ZNF66: variants seen among roughly 807,000 people sequenced by gnomAD.
The protein encoded by ZNF66 is putative zinc finger protein 66.
Under a neutral mutation model 35.2 loss-of-function variants are expected in ZNF66, and 32 were observed. The ratio of observed to expected loss-of-function variants is 0.91; its 90% CI spans 0.69 to 1.22. ZNF66 has a LOEUF of 1.22. ZNF66 is among the 50% of genes most tolerant of loss of function. ZNF66 has a pLI of 0.00. For synonymous variants in ZNF66, 231 were observed against 181.3 expected, an observed-to-expected ratio of 1.27 and a Z score of -2.20; for missense variants, 666 against 543.1, an observed-to-expected ratio of 1.23 and a Z score of -2.25.
chr19:20,782,004 T>C (rs1462881250), intron 1 of ZNF66, among the ~76,000 whole-genome samples: 2 of 152,192 alleles, frequency 1.3e-5, no homozygotes, highest in Non-Finnish European at 2.9e-5. Flanking sequence ...TGGCGTGATA[T>C]TGGCTTACTT....
Position 20,793,808 on chromosome 19 carries a change from C to T in ZNF66, c.156C>T (p.Leu52=). 1 of 1,085,150 alleles carries T rather than the reference C, an allele frequency of 9.2e-7. No individual in the cohort carries two copies. The highest frequency in any genetic ancestry group is 1.3e-6 in the Non-Finnish European group (1 of 762,028). 67.2% of individuals were successfully genotyped at this position (1,085,150 alleles called of 1,614,324 possible). A position where few individuals can be genotyped will look rare whatever the true frequency, so the allele number is the denominator to read the frequency against. The change falls in exon 3 of 4, where the codon CTC becomes CTT. Residue 52 remains leucine (L), a synonymous_variant. Transcript: ENST00000344519. The part of the protein sequence containing the change: ...FLGIVVSKPD[L]ITHLEQGKKP... ...GTATTGTTGTCTCAAAGCCAGACCT[C>T]ATCACCCATCTGGAGCAAGGAAAAA...
At chr19:20,780,348 C>T (rs1180937631) in intron 1 of ZNF66, among the ~76,000 whole-genome samples, 1 of 152,072 alleles carries the variant, frequency 6.6e-6, no homozygotes, top group Non-Finnish European at 1.5e-5. Flanking sequence ...TTTCTTTGTT[C>T]TATGCATTTC....
In ZNF66 at chr19:20,809,875, C is replaced by T. The variant is rs1185334908; in HGVS notation, c.*2553C>T. Reference sequence around the variant, plus strand: ...TGGGCTAAATGCTCCAATTAAAAGACACAGACAGGCAAATTGGATAAATAG... The same window carrying T: ...TGGGCTAAATGCTCCAATTAAAAGATACAGACAGGCAAATTGGATAAATAG... On this transcript the variant is annotated 3_prime_UTR_variant, in exon 4 of 4. Coordinates refer to ENST00000344519, the MANE Select transcript of ZNF66 (RefSeq NM_001355197.2). Among the ~76,000 whole-genome samples, 3 of 152,100 alleles carry T rather than the reference C, an allele frequency of 2.0e-5. No homozygotes were observed. Among genetic ancestry groups the T allele is most frequent in the Non-Finnish European group, 4.4e-5 (3 of 68,038 alleles).
chr19:20,806,717 G>C lies in ZNF66; in HGVS notation c.1117G>C (p.Glu373Gln). ...HTGEKPYKCE[E>Q]CGEAFKYSCS... ...TGGAGAGAAACCCTACAAATGTGAA[G>C]AATGTGGTGAAGCCTTTAAGTACTC... Residue 373 changes from glutamate to glutamine, a missense_variant, in exon 4 of 4, where the codon GAA becomes CAA. Physicochemically the swap from Glu to Gln is conservative, Grantham distance 29. Coordinates refer to ENST00000344519, the MANE Select transcript of ZNF66 (RefSeq NM_001355197.2). 7.0e-7 allele frequency: 1 copy of C among 1,432,318 alleles called. No individual in the cohort carries two copies. The highest frequency in any genetic ancestry group is 2.3e-5 in the East Asian group (1 of 43,960). The allele number at this position is 1,432,318 out of a possible 1,614,324, so 88.7% of individuals were successfully genotyped here. A position where few individuals can be genotyped will look rare whatever the true frequency, so the allele number is the denominator to read the frequency against.
At chr19:20,785,175 G>A (rs1971276370) in intron 1 of ZNF66, 1 of 152,234 alleles carries the variant, frequency 6.6e-6, no homozygotes, top group Non-Finnish European at 1.5e-5. Context: ...TGACATTAGA[G>A]TGTTGCTGTG....
At chr19:20,805,248 G>T (rs1281540976) in intron 3 of ZNF66, among the ~76,000 whole-genome samples, 2 of 152,086 alleles carry the variant, frequency 1.3e-5, no homozygotes, top group Non-Finnish European at 2.9e-5. Flanking sequence ...AGGCTGGAGT[G>T]CAGTGGTATG....
intron 1 of ZNF66, among the ~76,000 whole-genome samples, chr19:20,789,032 T>C (rs1274727286): frequency 6.6e-6 from 1 of 151,488 alleles, no homozygotes; most frequent in Admixed American, 6.6e-5. Flanking sequence ...GCCTGTGCAA[T>C]AGAGTGAGAC....
At chr19:20,777,997 T>C (rs984460977) in intron 1 of ZNF66, among the ~76,000 whole-genome samples, 27 of 152,352 alleles carry the variant, frequency 1.8e-4, no homozygotes, top group African/African-American at 6.5e-4. Flanking sequence ...TTTTTCTATA[T>C]CCTTTTATTT....
intron 2 of ZNF66, among the ~76,000 whole-genome samples, chr19:20,793,322 C>CTTTTTTTTTTTTTTTT (rs370522800): frequency 3.2e-5 from 2 of 63,406 alleles, no homozygotes; most frequent in Admixed American, 1.6e-4. Context: ...CTTTTCTTTT[C>CTTTTTTTTTTTTTTTT]TTTTCTTTTC....
At chr19:20,789,961 G>A (rs928322373) in intron 1 of ZNF66, among the ~76,000 whole-genome samples, 5 of 152,086 alleles carry the variant, frequency 3.3e-5, no homozygotes, top group African/African-American at 1.2e-4. Context: ...GAAGTATTTG[G>A]TTGTGACAAG....
chr19:20,808,202 G>C lies in ZNF66; in HGVS notation c.*880G>C, dbSNP rs1006910432. On this transcript the variant is annotated 3_prime_UTR_variant, in exon 4 of 4. Coordinates refer to ENST00000344519, the MANE Select transcript of ZNF66 (RefSeq NM_001355197.2). ...CAGGCTTGCTTAGGTAAAGCAGCTG[G>C]GAAGCTAGAACTGGGTGGAGCCCAC... Among the ~76,000 whole-genome samples, 8 of 152,220 alleles carry C rather than the reference G, an allele frequency of 5.3e-5. No individual in the cohort carries two copies. Among genetic ancestry groups the C allele is most frequent in the African/African-American group, 1.9e-4 (8 of 41,456 alleles).
rs1490942108 is a variant in ZNF66, at chr19:20,806,550, A to T, written c.950A>T (p.Glu317Val). 1.9e-6 allele frequency: 3 copies of T among 1,550,918 alleles called. No homozygotes were observed. In the Admixed American group the frequency reaches 5.0e-5, roughly 26 times the overall value. Residue 317 changes from glutamate (E) to valine (V), a missense_variant, in exon 4 of 4, where the codon GAA (glutamate) becomes GTA (valine). Transcript: ENST00000344519. The stretch of plus-strand genomic sequence containing the variant: ...GGAGAGAAACCCTACAAATGTGAAG[A>T]ATGTGGTAAAGCCTTCAACTGGTCC... ...HTGEKPYKCE[E>V]CGKAFNWSSH... is the part of the protein sequence containing the mutation.
rs1026464713 is a variant in ZNF66, at chr19:20,809,152, CAA to C, written c.*1832_*1833del. Among the ~76,000 whole-genome samples, 4 of 151,898 alleles carry C rather than the reference CAA, an allele frequency of 2.6e-5. No individual in the cohort carries two copies. Among genetic ancestry groups the C allele is most frequent in the Non-Finnish European group, 4.4e-5 (3 of 67,952 alleles). On this transcript the variant is annotated 3_prime_UTR_variant, in exon 4 of 4. Coordinates refer to ENST00000344519, the MANE Select transcript of ZNF66 (RefSeq NM_001355197.2). Reference sequence around the variant, plus strand: ...TTAGAGAAAAAAAATTAAAAAGAAACAAAGTCTCCAAGAAATATGGGACTATG... The same window carrying C: ...TTAGAGAAAAAAAATTAAAAAGAAACAGTCTCCAAGAAATATGGGACTATG...
Position 20,808,663 on chromosome 19 carries a change from C to G in ZNF66, c.*1341C>G, listed in dbSNP as rs1168573427. 1.3e-5 allele frequency among the ~76,000 whole-genome samples: 2 copies of G among 152,110 alleles called. No individual in the cohort carries two copies. The highest frequency in any genetic ancestry group is 2.9e-5 in the Non-Finnish European group (2 of 68,022). On this transcript the variant is annotated 3_prime_UTR_variant, in exon 4 of 4. Transcript: ENST00000344519. ...GTCTGTTAGAAGGAAAACTAACAAA[C>G]AGAAAGGACATCCACACCAAAAACC...
In ZNF66 at chr19:20,807,858, G is replaced by A. The variant is rs1418654619; in HGVS notation, c.*536G>A. Among the ~76,000 whole-genome samples the A allele has an allele frequency of 6.6e-6, 1 of 152,188 alleles. No homozygotes were observed. The highest frequency in any genetic ancestry group is 1.5e-5 in the Non-Finnish European group (1 of 68,040). Reference sequence around the variant, plus strand: ...TCTCACTAGGGAGTGCCAGACAGTGGCTGCAGGACAGTGGGTGCAGTGCAC... The same window carrying A: ...TCTCACTAGGGAGTGCCAGACAGTGACTGCAGGACAGTGGGTGCAGTGCAC... On this transcript the variant is annotated 3_prime_UTR_variant, in exon 4 of 4. Coordinates refer to ENST00000344519, the MANE Select transcript of ZNF66 (RefSeq NM_001355197.2).
chr19:20,793,677 A>G, intron 2 of ZNF66, 106 bp from the exon 3 acceptor site: 1 of 464,490 alleles, frequency 2.2e-6, no homozygotes, highest in African/African-American at 2.0e-5. Flanking sequence ...GTATTTTGTT[A>G]TTAATTTACT....
At chr19:20,783,270 A>G (rs1971260280) in intron 1 of ZNF66, among the ~76,000 whole-genome samples, 3 of 152,152 alleles carry the variant, frequency 2.0e-5, no homozygotes, top group South Asian at 2.1e-4. Context: ...CATTCTTTGA[A>G]GTGCATACAG....
intron 3 of ZNF66, among the ~76,000 whole-genome samples, chr19:20,799,681 T>C (rs1235266366): frequency 6.6e-6 from 1 of 152,186 alleles, no homozygotes; most frequent in Admixed American, 6.5e-5. Flanking sequence ...TCAACATCAT[T>C]TTTTGAAGAG....
At position 20,809,557 on chromosome 19, in the gene ZNF66, A is replaced by G. The variant is rs535398695; in HGVS notation, c.*2235A>G. Among the ~76,000 whole-genome samples, 292 of 152,208 alleles carry G rather than the reference A, an allele frequency of 1.9e-3. 1 individual carries two copies. Among genetic ancestry groups the G allele is most frequent in the African/African-American group, 6.4e-3 (265 of 41,528 alleles). Reference sequence around the variant, plus strand: ...TCTTAAAGAAAAGAATTTTCAACCCAGAATTTCATATCCAGCCAAACTAAG... The same window carrying G: ...TCTTAAAGAAAAGAATTTTCAACCCGGAATTTCATATCCAGCCAAACTAAG... On this transcript the variant is annotated 3_prime_UTR_variant, in exon 4 of 4. Transcript: ENST00000344519.
Sources: gnomAD v4.1 joint callset for allele counts (sites outside exome capture counted in the v4.1 genomes callset) on GRCh38, gnomAD v4.1.1 for gene constraint, MANE v1.5 for transcripts, NCBI Gene and HGNC (gene_info 2026-07-23, HGNC 2026-07-21) for gene names.